Variants in ZNF475 observed in about 807,000 individuals in gnomAD.
ZNF475 encodes zinc finger protein 475.
chr5:122,167,000 G>A, the ZNF475 span, among the ~76,000 whole-genome samples: 1 of 152,318 alleles, frequency 6.6e-6, no homozygotes, highest in South Asian at 2.1e-4. Context: ...CCTTGCCCAT[G>A]CCTATGTCCT....
At chr5:122,179,050 T>C in the ZNF475 span, among the ~76,000 whole-genome samples, 4 of 152,168 alleles carry the variant, frequency 2.6e-5, no homozygotes, top group Non-Finnish European at 5.9e-5. Context: ...TGGTTGTAGA[T>C]GTGTGGCATT....
At chr5:122,179,803 T>G in the ZNF475 span, 1 of 1,143,352 alleles carries the variant, frequency 8.7e-7, no homozygotes, top group Non-Finnish European at 1.2e-6. Flanking sequence ...AGCAGAAGTA[T>G]TCTTTTTTCA....
At chr5:122,181,900 T>C in the ZNF475 span, among the ~76,000 whole-genome samples, 2 of 152,346 alleles carry the variant, frequency 1.3e-5, no homozygotes, top group South Asian at 4.1e-4. Flanking sequence ...TTTTGTCAGA[T>C]TATTCTGTTT....
chr5:122,178,691 T>A, the ZNF475 span, among the ~76,000 whole-genome samples: 2 of 152,182 alleles, frequency 1.3e-5, no homozygotes, highest in Admixed American at 1.3e-4. Flanking sequence ...AGGTTGCCTG[T>A]TCACTCTGAT....
At chr5:122,181,036 C>A in the ZNF475 span, among the ~76,000 whole-genome samples, 6 of 152,072 alleles carry the variant, frequency 3.9e-5, no homozygotes, top group Non-Finnish European at 8.8e-5. Context: ...CCATAACTAC[C>A]AGCAGGCTAG....
At chr5:122,167,329 C>CA in the ZNF475 span, among the ~76,000 whole-genome samples, 2 of 152,080 alleles carry the variant, frequency 1.3e-5, no homozygotes, top group East Asian at 1.9e-4. Flanking sequence ...CTTTCTCCTA[C>CA]AAAAAATTTA....
chr5:122,181,551 G>A, the ZNF475 span, among the ~76,000 whole-genome samples: 2 of 152,156 alleles, frequency 1.3e-5, no homozygotes, highest in African/African-American at 2.4e-5. Flanking sequence ...GAGCAGACAT[G>A]TTAAAAAATT....
the ZNF475 span, among the ~76,000 whole-genome samples, chr5:122,177,869 A>G: frequency 2.6e-5 from 4 of 151,980 alleles, no homozygotes; most frequent in Admixed American, 6.6e-5. Context: ...TACATTAGGT[A>G]TTTCTCGTAA....
the ZNF475 span, among the ~76,000 whole-genome samples, chr5:122,174,019 C>A: frequency 6.6e-6 from 1 of 152,196 alleles, no homozygotes; most frequent in Non-Finnish European, 1.5e-5. Context: ...GTTGGCTGGT[C>A]CCGGCAAGGG....
At chr5:122,168,359 T>C in the ZNF475 span, among the ~76,000 whole-genome samples, 1 of 152,156 alleles carries the variant, frequency 6.6e-6, no homozygotes, top group Non-Finnish European at 1.5e-5. Context: ...TTTTTTACTG[T>C]GACTTCAGAG....
chr5:122,182,214 CT>C, the ZNF475 span, among the ~76,000 whole-genome samples: 5 of 152,216 alleles, frequency 3.3e-5, no homozygotes, highest in African/African-American at 9.6e-5. Context: ...ATGTCTTTCC[CT>C]TTTTAAAATC....
At chr5:122,180,541 C>T in the ZNF475 span, among the ~76,000 whole-genome samples, 1 of 152,180 alleles carries the variant, frequency 6.6e-6, no homozygotes, top group Admixed American at 6.5e-5. Context: ...ATATTTTTGC[C>T]ATGCAAGCTC....
the ZNF475 span, among the ~76,000 whole-genome samples, chr5:122,172,568 A>G: frequency 6.6e-6 from 1 of 152,184 alleles, no homozygotes; most frequent in Admixed American, 6.5e-5. Context: ...TCACTGTTAC[A>G]CTAATCAGAT....
At chr5:122,163,978 C>T in the ZNF475 span, among the ~76,000 whole-genome samples, 1 of 151,846 alleles carries the variant, frequency 6.6e-6, no homozygotes, top group Non-Finnish European at 1.5e-5. Flanking sequence ...TAAAATACCT[C>T]TCCTACTACC....
At chr5:122,179,687 A>T in the ZNF475 span, 1 of 1,532,562 alleles carries the variant, frequency 6.5e-7, no homozygotes, top group Non-Finnish European at 8.7e-7. Context: ...CTAAAGAGTT[A>T]AGGAGACCAG....
the ZNF475 span, among the ~76,000 whole-genome samples, chr5:122,167,302 G>T: frequency 6.6e-6 from 1 of 151,890 alleles, no homozygotes; most frequent in Admixed American, 6.6e-5. Flanking sequence ...ATGTAAATGG[G>T]GTTGCTTCCT....
chr5:122,168,556 C>G, the ZNF475 span, among the ~76,000 whole-genome samples: 1 of 152,034 alleles, frequency 6.6e-6, no homozygotes, highest in Non-Finnish European at 1.5e-5. Flanking sequence ...ACTAAAAATA[C>G]AAAAAAATTA....
chr5:122,169,559 G>A, the ZNF475 span, among the ~76,000 whole-genome samples: 1 of 152,100 alleles, frequency 6.6e-6, no homozygotes, highest in African/African-American at 2.4e-5. Context: ...GGCTAAGACT[G>A]GCCATGGCTG....
the ZNF475 span, chr5:122,182,389 T>A: frequency 1.2e-6 from 1 of 831,948 alleles, no homozygotes; most frequent in Non-Finnish European, 1.7e-6. Context: ...AGAATATGGT[T>A]CTCCCGAATA....
Sources: gnomAD v4.1 joint callset for allele counts (sites outside exome capture counted in the v4.1 genomes callset) on GRCh38, gnomAD v4.1.1 for gene constraint, MANE v1.5 for transcripts, NCBI Gene and HGNC (gene_info 2026-07-23, HGNC 2026-07-21) for gene names.